The following DNM3 variants were observed in gnomAD, a reference collection of about 807,000 sequenced individuals.
DNM3 encodes dynamin-3.
In DNM3, 47 loss-of-function variants were observed where a neutral mutation model predicts 101.6. The ratio of observed to expected loss-of-function variants is 0.46; its 90% CI spans 0.37 to 0.59. The LOEUF (loss-of-function observed/expected upper bound fraction) is 0.59, where lower values mean the gene tolerates loss of function less well. Ranked by LOEUF, DNM3 falls within the 20% of genes least tolerant of loss-of-function variation. DNM3 has a pLI of 0.00. For synonymous variants in DNM3, 385 were observed against 387.9 expected, an observed-to-expected ratio of 0.99 and a Z score of 0.09; for missense variants, 849 against 1,085.7, an observed-to-expected ratio of 0.78 and a Z score of 3.06.
chr1:172,151,514 A>G (rs1225755471), intron 14 of DNM3, among the ~76,000 whole-genome samples: 1 of 152,166 alleles, frequency 6.6e-6, no homozygotes, highest in South Asian at 2.1e-4. Context: ...CTCTGGTACA[A>G]TTTACTTTGT....
chr1:172,076,228 G>A (rs1309842288), intron 11 of DNM3, among the ~76,000 whole-genome samples: 1 of 152,104 alleles, frequency 6.6e-6, no homozygotes, highest in Non-Finnish European at 1.5e-5. Flanking sequence ...GAGACGATGG[G>A]GTTTTCTAAA....
chr1:171,942,104 G>C (rs548842631), intron 2 of DNM3, among the ~76,000 whole-genome samples: 1 of 151,822 alleles, frequency 6.6e-6, no homozygotes. Context: ...GTACAGAGTG[G>C]ACTTAGCAAA....
At chr1:172,288,909 T>G (rs950557573) in intron 15 of DNM3, among the ~76,000 whole-genome samples, 1 of 152,188 alleles carries the variant, frequency 6.6e-6, no homozygotes, top group Non-Finnish European at 1.5e-5. Context: ...GTATTTCTCA[T>G]AGAAAGTTAT....
chr1:172,031,956 A>G lies in DNM3; in HGVS notation c.590-446A>G, dbSNP rs370928027. On this transcript the variant is annotated intron_variant, in intron 4 of 20. Transcript: ENST00000627582. ...TGACCTCAGTGACTAGAACTGGATC[A>G]ATAGTAATCCTTGGTTTATGACGCA... Among the ~76,000 whole-genome samples, 18 of 152,266 alleles carry G rather than the reference A, an allele frequency of 1.2e-4. No individual in the cohort carries two copies. The South Asian group carries it at 3.3e-3, about 28-fold the overall frequency.
chr1:172,391,670 A>C (rs1346291051), intron 20 of DNM3, among the ~76,000 whole-genome samples: 1 of 151,702 alleles, frequency 6.6e-6, no homozygotes, highest in Non-Finnish European at 1.5e-5. Context: ...ATTATCCATC[A>C]TCTCTGGGAA....
intron 15 of DNM3, among the ~76,000 whole-genome samples, chr1:172,288,340 T>C (rs2063777870): frequency 6.6e-6 from 1 of 152,146 alleles, no homozygotes; most frequent in Non-Finnish European, 1.5e-5. Flanking sequence ...GAACAGCATA[T>C]GCCAAGACCC....
At chr1:172,013,524 G>A (rs889544817) in intron 4 of DNM3, among the ~76,000 whole-genome samples, 3 of 152,160 alleles carry the variant, frequency 2.0e-5, no homozygotes, top group Non-Finnish European at 2.9e-5. Flanking sequence ...TGCCCCGGTA[G>A]GGAAAATCGA....
At chr1:172,336,985 A>G (rs2066461551) in intron 17 of DNM3, among the ~76,000 whole-genome samples, 1 of 152,210 alleles carries the variant, frequency 6.6e-6, no homozygotes, top group Non-Finnish European at 1.5e-5. Context: ...TTAATTCTCA[A>G]AATGTATTGG....
intron 2 of DNM3, among the ~76,000 whole-genome samples, chr1:171,934,880 C>T (rs2041289453): frequency 1.3e-5 from 2 of 152,270 alleles, no homozygotes; most frequent in Middle Eastern, 3.4e-3. Context: ...GCATTATCAG[C>T]ACTGCACATT....
chr1:172,328,662 G>A (rs368818827), intron 17 of DNM3, among the ~76,000 whole-genome samples: 4 of 152,096 alleles, frequency 2.6e-5, no homozygotes, highest in East Asian at 3.9e-4. Flanking sequence ...AGAGGAGGGC[G>A]AGGATCAAAA....
rs764072737 is a variant in DNM3, at chr1:172,032,369, A to G, written c.590-33A>G. ...GTCTAAAATTTGTTAGTCTTCTGCA[A>G]ATTGTGTAATGTTGGGTTTGTTTAT... On this transcript the variant is annotated intron_variant, in intron 4 of 20. Transcript: ENST00000627582. The G allele has an allele frequency of 1.4e-5, 21 of 1,520,942 alleles. No homozygotes were observed. The South Asian group carries it at 2.4e-4, about 17-fold the overall frequency. 94.2% of individuals were successfully genotyped at this position (1,520,942 alleles called of 1,614,324 possible). A position where few individuals can be genotyped will look rare whatever the true frequency, so the allele number is the denominator to read the frequency against.
At chr1:172,038,267 CT>C in intron 6 of DNM3, 51 bp from the exon 7 acceptor site, 2 of 1,594,154 alleles carry the variant, frequency 1.3e-6, no homozygotes, top group Non-Finnish European at 1.7e-6. Context: ...AATCTTTAAT[CT>C]GTGTATATGA....
At chr1:172,338,506 T>G (rs1339154864) in intron 17 of DNM3, among the ~76,000 whole-genome samples, 1 of 152,186 alleles carries the variant, frequency 6.6e-6, no homozygotes, top group African/African-American at 2.4e-5. Flanking sequence ...CAAATCATTT[T>G]TCCAGTAGCT....
chr1:171,890,964 C>T (rs2037219651), intron 1 of DNM3, among the ~76,000 whole-genome samples: 1 of 152,166 alleles, frequency 6.6e-6, no homozygotes, highest in South Asian at 2.1e-4. Context: ...CACTGGCACC[C>T]AACTGGGACA....
chr1:172,344,002 G>A (rs560572627), intron 17 of DNM3, among the ~76,000 whole-genome samples: 3 of 152,170 alleles, frequency 2.0e-5, no homozygotes, highest in South Asian at 2.1e-4. Context: ...AATTTGGAAC[G>A]CAGTCTTCTC....
At chr1:172,157,380 C>T (rs73039392) in intron 14 of DNM3, among the ~76,000 whole-genome samples, 1,944 of 152,198 alleles carry the variant, frequency 0.013, 49 homozygotes, top group African/African-American at 0.044. Flanking sequence ...TGGTTCTTAA[C>T]AGGCCAAGGA....
Position 172,410,689 on chromosome 1 carries a change from A to G in DNM3, c.*2848A>G. 1.0e-6 allele frequency: 1 copy of G among 985,346 alleles called. No homozygotes were observed. Among genetic ancestry groups the G allele is most frequent in the Non-Finnish European group, 1.2e-6 (1 of 829,844 alleles). The allele number at this position is 985,346 out of a possible 1,614,324, so 61.0% of individuals were successfully genotyped here. ...GTGTTTTATAACATAGACGAGCAGT[A>G]GGGTCTGTTTATTAGCAAATTTCCT... On this transcript the variant is annotated 3_prime_UTR_variant, in exon 21 of 21. Coordinates refer to ENST00000627582, the MANE Select transcript of DNM3 (RefSeq NM_015569.5).
chr1:172,378,244 A>G (rs2149054028), intron 17 of DNM3: 1 of 152,216 alleles, frequency 6.6e-6, no homozygotes, highest in Middle Eastern at 3.4e-3. Context: ...TGAAGAAGCC[A>G]TTCCAGCTCA....
chr1:172,406,783 T>C (rs1043430958), intron 20 of DNM3, among the ~76,000 whole-genome samples: 7 of 152,014 alleles, frequency 4.6e-5, no homozygotes, highest in Admixed American at 1.3e-4. Flanking sequence ...TTGATCAATA[T>C]AGAGTTTCTA....
Sources: gnomAD v4.1 joint callset for allele counts (sites outside exome capture counted in the v4.1 genomes callset) on GRCh38, gnomAD v4.1.1 for gene constraint, MANE v1.5 for transcripts, NCBI Gene and HGNC (gene_info 2026-07-23, HGNC 2026-07-21) for gene names.